Variants in NRG1 observed in about 807,000 individuals in gnomAD.
NRG1 encodes the protein pro-neuregulin-1, membrane-bound isoform.
Under a neutral mutation model 63.8 loss-of-function variants are expected in NRG1, and 18 were observed. The observed-to-expected ratio is 0.28, with a 90% CI of 0.19 to 0.42. The LOEUF (loss-of-function observed/expected upper bound fraction) is 0.42. NRG1 is among the 10% of genes least tolerant of loss of function. NRG1 has a pLI of 1.00. For missense variants in NRG1, 762 were observed against 814.7 expected (o/e 0.94, Z 0.79); for synonymous variants, 302 against 301.3 (o/e 1.00, Z -0.02).
chr8:32,462,417 CA>C (rs1441691294), intron 1 of NRG1, among the ~76,000 whole-genome samples: 2 of 152,076 alleles, frequency 1.3e-5, no homozygotes, highest in Non-Finnish European at 2.9e-5. Context: ...TTTTAATATA[CA>C]TATCCATTGT....
intron 1 of NRG1, among the ~76,000 whole-genome samples, chr8:31,690,226 C>T (rs964252015): frequency 9.7e-6 from 1 of 103,558 alleles, no homozygotes; most frequent in African/African-American, 3.1e-5. Flanking sequence ...CCATGCTGAA[C>T]TGTGAGTCAT....
At chr8:32,345,163 G>C (rs768932060) in intron 1 of NRG1, among the ~76,000 whole-genome samples, 4 of 152,172 alleles carry the variant, frequency 2.6e-5, no homozygotes, top group Non-Finnish European at 5.9e-5. Flanking sequence ...AAAATTGATA[G>C]CAAAGGCAGA....
chr8:32,050,143 T>C (rs1586740741), intron 1 of NRG1, among the ~76,000 whole-genome samples: 3 of 152,150 alleles, frequency 2.0e-5, no homozygotes, highest in African/African-American at 7.2e-5. Flanking sequence ...GGAAGGTATA[T>C]AGTAAAGTGC....
At chr8:32,681,160 A>G (rs1170932103) in intron 5 of NRG1, among the ~76,000 whole-genome samples, 1 of 152,198 alleles carries the variant, frequency 6.6e-6, no homozygotes, top group Non-Finnish European at 1.5e-5. Context: ...CAGTCTTATT[A>G]TGGATACTGA....
Position 31,657,209 on chromosome 8 carries a change from A to AT in NRG1, c.37+17784dup, listed in dbSNP as rs1483485699. 3.9e-5 allele frequency among the ~76,000 whole-genome samples: 6 copies of AT among 152,302 alleles called. No individual in the cohort carries two copies. In the East Asian group the frequency reaches 7.7e-4, roughly 20 times the overall value. ...GCAATAACAGTGTTTTCATGGAAGG[A>AT]TTTTTTATATTGGGTTTTTCCTAAT... On this transcript the variant is annotated intron_variant, in intron 1 of 10. Coordinates refer to the NRG1 transcript ENST00000519301.
At chr8:32,011,738 G>C (rs377482043) in intron 1 of NRG1, among the ~76,000 whole-genome samples, 1 of 152,054 alleles carries the variant, frequency 6.6e-6, no homozygotes, top group African/African-American at 2.4e-5. Context: ...GTGGGGCTGA[G>C]GCATGCCTGG....
chr8:32,339,486 A>G (rs537847634), intron 1 of NRG1, among the ~76,000 whole-genome samples: 1 of 152,348 alleles, frequency 6.6e-6, no homozygotes, highest in African/African-American at 2.4e-5. Context: ...TCCTCATGTC[A>G]TAGGCAAACA....
chr8:32,200,368 C>T (rs1198306405), intron 1 of NRG1, among the ~76,000 whole-genome samples: 1 of 152,158 alleles, frequency 6.6e-6, no homozygotes, highest in Non-Finnish European at 1.5e-5. Flanking sequence ...TTTCATAGAG[C>T]ACGTTGTTCT....
chr8:31,817,089 G>C (rs1028232831), intron 1 of NRG1, among the ~76,000 whole-genome samples: 4 of 152,176 alleles, frequency 2.6e-5, no homozygotes, highest in Non-Finnish European at 2.9e-5. Context: ...TCTAAGCAGT[G>C]CTTGCATAAA....
intron 1 of NRG1, among the ~76,000 whole-genome samples, chr8:32,152,390 A>G (rs746673987): frequency 1.3e-4 from 20 of 152,334 alleles, no homozygotes; most frequent in Non-Finnish European, 2.8e-4. Flanking sequence ...CTAGAGTTAT[A>G]TGTTAGACAC....
rs1319884035 is a variant in NRG1 at position 32,608,084 on chromosome 8, TTTTTTTTGTTTTTTTTTTTTTTG to T, written c.400+2409_400+2431del. ...CAGCAAAAGGAGATATGAACCCAGG[TTTTTTTTGTTTTTTTTTTTTTTG>T]TTTTTTTTTTTTTTTGCTTCATTCC... On this transcript the variant is annotated intron_variant, in intron 3 of 11. Coordinates refer to ENST00000356819, the Ensembl canonical transcript of NRG1. 6.0e-3 allele frequency among the ~76,000 whole-genome samples: 734 copies of T among 123,272 alleles called. 5 individuals carry two copies. The highest frequency in any genetic ancestry group is 0.025 in the African/African-American group (677 of 27,138). 80.9% of individuals were successfully genotyped at this position (123,272 alleles called of 152,430 possible). A position where few individuals can be genotyped will look rare whatever the true frequency, so the allele number is the denominator to read the frequency against.
chr8:32,603,986 T>C (rs1254960514), intron 2 of NRG1, among the ~76,000 whole-genome samples: 1 of 152,194 alleles, frequency 6.6e-6, no homozygotes, highest in African/African-American at 2.4e-5. Flanking sequence ...AGAGAAAGCA[T>C]AGCCTGATGT....
At chr8:32,196,118 AGTGTGTGT>A (rs55951634) in intron 1 of NRG1, among the ~76,000 whole-genome samples, 75 of 146,952 alleles carry the variant, frequency 5.1e-4, no homozygotes, top group African/African-American at 1.7e-3. Flanking sequence ...AAAAACAATG[AGTGTGTGT>A]GTGTGTGTGT....
chr8:32,222,261 A>T (rs1301762684), intron 1 of NRG1, among the ~76,000 whole-genome samples: 1 of 152,104 alleles, frequency 6.6e-6, no homozygotes, highest in Non-Finnish European at 1.5e-5. Flanking sequence ...TAAAGATAAA[A>T]ATGAGTGGGC....
At chr8:32,186,484 G>GAAAGAA (rs1841982755) in intron 1 of NRG1, among the ~76,000 whole-genome samples, 1 of 149,554 alleles carries the variant, frequency 6.7e-6, no homozygotes, top group African/African-American at 2.5e-5. Flanking sequence ...AAAGAAAAAA[G>GAAAGAA]AAAGAAAAAG....
intron 1 of NRG1, among the ~76,000 whole-genome samples, chr8:32,038,514 G>A (rs1361132554): frequency 6.6e-6 from 1 of 152,000 alleles, no homozygotes; most frequent in Non-Finnish European, 1.5e-5. Flanking sequence ...ATGTATCATG[G>A]CAATAACTGT....
intron 1 of NRG1, among the ~76,000 whole-genome samples, chr8:32,137,248 C>T (rs973348188): frequency 2.6e-5 from 4 of 151,938 alleles, no homozygotes; most frequent in Admixed American, 2.6e-4. Flanking sequence ...GAGTTCAAGA[C>T]CAGCCTGGCC....
chr8:32,312,132 C>G (rs1420732488), intron 1 of NRG1, among the ~76,000 whole-genome samples: 2 of 147,948 alleles, frequency 1.4e-5, no homozygotes, highest in South Asian at 4.4e-4. Context: ...AAGTGGAGCC[C>G]TACATTCATT....
chr8:32,031,029 A>G (rs1003587958), intron 1 of NRG1, among the ~76,000 whole-genome samples: 2 of 152,200 alleles, frequency 1.3e-5, no homozygotes, highest in Non-Finnish European at 2.9e-5. Context: ...AGAAGACCCT[A>G]AAGGCTACAA....
Sources: gnomAD v4.1 joint callset for allele counts (sites outside exome capture counted in the v4.1 genomes callset) on GRCh38, gnomAD v4.1.1 for gene constraint, MANE v1.5 for transcripts, NCBI Gene and HGNC (gene_info 2026-07-23, HGNC 2026-07-21) for gene names.